Variants in MICAL2 observed in about 807,000 individuals in gnomAD.
MICAL2 encodes microtubule associated monooxygenase, calponin and LIM domain containing 2.
MICAL2 carries 77 observed loss-of-function variants against 127.3 expected under a neutral mutation model. The observed-to-expected ratio is 0.60, with a 90% CI of 0.50 to 0.73. MICAL2 has a LOEUF of 0.73. Ranked by LOEUF, MICAL2 falls within the 30% of genes least tolerant of loss-of-function variation. The pLI is 0.00. For missense variants in MICAL2, 1,351 were observed against 1,434.4 expected (o/e 0.94, Z 0.94); for synonymous variants, 570 against 551.1 (o/e 1.03, Z -0.48).
intron 26 of MICAL2, chr11:12,260,256 C>T: frequency 7.0e-7 from 1 of 1,436,000 alleles, no homozygotes; most frequent in Non-Finnish European, 9.1e-7. Flanking sequence ...AGGCTCTGGC[C>T]AGGAAGCCTA....
chr11:12,249,103 G>A lies in MICAL2; in HGVS notation c.2785-81G>A, dbSNP rs1289999785. 2.5e-6 allele frequency: 4 copies of A among 1,582,046 alleles called. No individual in the cohort carries two copies. In the South Asian group the frequency reaches 3.4e-5, roughly 14 times the overall value. On this transcript the variant is annotated intron_variant, in intron 21 of 27. Transcript: ENST00000683283. ...CAAAATGCCTGAAGTATCCTGTAAAGCTTCTCTTTCCCCAGTGGAAGAGAA... is the reference window on the plus strand; with the variant it reads ...CAAAATGCCTGAAGTATCCTGTAAAACTTCTCTTTCCCCAGTGGAAGAGAA...
intron 3 of MICAL2, among the ~76,000 whole-genome samples, chr11:12,200,876 A>G (rs869123): frequency 0.75 from 113,789 of 152,184 alleles, 46,838 homozygotes; most frequent in Non-Finnish European, 0.92. Flanking sequence ...CCTGGTGGAC[A>G]GAAGGATGCA....
chr11:12,127,807 CAG>C (rs1381801670), intron 1 of MICAL2, among the ~76,000 whole-genome samples: 1 of 152,056 alleles, frequency 6.6e-6, no homozygotes, highest in African/African-American at 2.4e-5. Flanking sequence ...GCGGCTGAGA[CAG>C]GGGAGCAGAG....
chr11:12,141,866 T>G (rs1170244918), intron 2 of MICAL2, among the ~76,000 whole-genome samples: 1 of 152,226 alleles, frequency 6.6e-6, no homozygotes, highest in Non-Finnish European at 1.5e-5. Context: ...ATACCTCAGA[T>G]GGACAACCAA....
At chr11:12,143,361 A>T (rs1217465151) in intron 2 of MICAL2, among the ~76,000 whole-genome samples, 1 of 152,252 alleles carries the variant, frequency 6.6e-6, no homozygotes, top group Admixed American at 6.5e-5. Context: ...AGGGGAGTTC[A>T]GAAGTAGACT....
At chr11:12,218,411 C>T (rs1856440111) in intron 8 of MICAL2, among the ~76,000 whole-genome samples, 1 of 152,212 alleles carries the variant, frequency 6.6e-6, no homozygotes, top group Non-Finnish European at 1.5e-5. Context: ...CCACAGCAGC[C>T]CTAGGCCAGC....
At chr11:12,162,703 A>T (rs1000446918) in intron 3 of MICAL2, among the ~76,000 whole-genome samples, 1 of 152,220 alleles carries the variant, frequency 6.6e-6, no homozygotes, top group Non-Finnish European at 1.5e-5. Flanking sequence ...CCCTGCTGCC[A>T]CTACTACTAC....
intron 29 of MICAL2, among the ~76,000 whole-genome samples, chr11:12,299,610 C>A (rs1424108128): frequency 6.6e-6 from 1 of 152,146 alleles, no homozygotes; most frequent in East Asian, 1.9e-4. Flanking sequence ...TGCTAGTTAT[C>A]ATTCTTGTGT....
chr11:12,321,493 C>T (rs1198018848), intron 30 of MICAL2, among the ~76,000 whole-genome samples: 1 of 152,160 alleles, frequency 6.6e-6, no homozygotes, highest in Non-Finnish European at 1.5e-5. Context: ...CCACACCACA[C>T]CCAGATCTAA....
intron 21 of MICAL2, among the ~76,000 whole-genome samples, 190 bp downstream of exon 21, chr11:12,244,302 T>A (rs771353157): frequency 1.5e-4 from 23 of 152,232 alleles, no homozygotes; most frequent in Non-Finnish European, 2.8e-4. Flanking sequence ...ACAGGCAGTG[T>A]ACAAAAGCTT....
chr11:12,230,841 CA>C (rs527938686), intron 15 of MICAL2, among the ~76,000 whole-genome samples: 3 of 152,198 alleles, frequency 2.0e-5, no homozygotes, highest in Non-Finnish European at 4.4e-5. Flanking sequence ...TTTCCATTCC[CA>C]CCATGAGTGG....
At chr11:12,223,023 T>C (rs1333307087) in intron 11 of MICAL2, among the ~76,000 whole-genome samples, 1 of 152,194 alleles carries the variant, frequency 6.6e-6, no homozygotes, top group Non-Finnish European at 1.5e-5. Flanking sequence ...ATCTTACCTG[T>C]CTCAAATAAG....
chr11:12,288,172 C>A (rs560992431), downstream of MICAL2, among the ~76,000 whole-genome samples: 13 of 152,322 alleles, frequency 8.5e-5, no homozygotes, highest in South Asian at 1.9e-3. Flanking sequence ...TGAGGACAGC[C>A]TAGAGTCACT....
In MICAL2 at chr11:12,338,548, C is replaced by G. The variant is rs1188052454; in HGVS notation, c.5515+11282C>G. On this transcript the variant is annotated intron_variant, in intron 32 of 34. Coordinates refer to the MICAL2 transcript ENST00000646065. Reference sequence around the variant, plus strand: ...TTAGTTGATGCGGTTTCTTCCTAGCCTTGATGGTCTTTACAATTTGGCATG... The same window carrying G: ...TTAGTTGATGCGGTTTCTTCCTAGCGTTGATGGTCTTTACAATTTGGCATG... Among the ~76,000 whole-genome samples the G allele has an allele frequency of 2.6e-5, 4 of 152,260 alleles. No individual in the cohort carries two copies. The East Asian group carries it at 7.7e-4, about 29-fold the overall frequency.
intron 3 of MICAL2, among the ~76,000 whole-genome samples, chr11:12,190,287 T>C (rs1395736271): frequency 1.3e-5 from 2 of 152,154 alleles, no homozygotes; most frequent in Non-Finnish European, 2.9e-5. Context: ...ATTTGTCTCT[T>C]GAAGAATCAG....
At chr11:12,155,610 A>G (rs938918034) in intron 2 of MICAL2, among the ~76,000 whole-genome samples, 3 of 152,348 alleles carry the variant, frequency 2.0e-5, no homozygotes, top group African/African-American at 7.2e-5. Flanking sequence ...TGGCAAACAT[A>G]GTTGTGTTAC....
chr11:12,142,740 G>A (rs1385155337), intron 2 of MICAL2, among the ~76,000 whole-genome samples: 1 of 152,198 alleles, frequency 6.6e-6, no homozygotes, highest in Non-Finnish European at 1.5e-5. Context: ...TGAGAGATAG[G>A]CATGGCTACC....
chr11:12,324,766 A>G (rs1250122551), intron 31 of MICAL2, among the ~76,000 whole-genome samples: 1 of 152,158 alleles, frequency 6.6e-6, no homozygotes, highest in Non-Finnish European at 1.5e-5. Flanking sequence ...TAATAATCCT[A>G]TACACTATTT....
chr11:12,161,682 A>G (rs1241629347), intron 2 of MICAL2: 2 of 159,456 alleles, frequency 1.3e-5, no homozygotes, highest in African/African-American at 4.8e-5. Flanking sequence ...AATTTGCAGC[A>G]CCGAGAATGA....
Sources: allele counts gnomAD v4.1 joint callset (sites outside exome capture counted in the v4.1 genomes callset), GRCh38; gene constraint gnomAD v4.1.1; transcripts MANE v1.5; gene names NCBI Gene and HGNC (gene_info 2026-07-23, HGNC 2026-07-21).